The following PXDNL variants were observed in gnomAD, a reference collection of about 807,000 sequenced individuals.
PXDNL encodes the protein peroxidasin like.
PXDNL carries 145 observed loss-of-function variants against 150.8 expected under a neutral mutation model. The observed-to-expected ratio is 0.96, with a 90% CI of 0.84 to 1.10. The LOEUF is 1.10. Among genes scored for constraint, PXDNL ranks in the 50% least tolerant of loss-of-function variants. The pLI is 0.00. For synonymous variants in PXDNL, 757 were observed against 725.7 expected (o/e 1.04, Z -0.69); for missense variants, 2,087 against 1,873.9 (o/e 1.11, Z -2.10).
chr8:51,699,647 T>C (rs2130878649), intron 1 of PXDNL, among the ~76,000 whole-genome samples: 1 of 152,370 alleles, frequency 6.6e-6, no homozygotes, highest in South Asian at 2.1e-4. Flanking sequence ...ATCTCAGCTT[T>C]CCACATGCCT....
intron 1 of PXDNL, among the ~76,000 whole-genome samples, chr8:51,720,609 A>G (rs1816709895): frequency 6.6e-6 from 1 of 152,240 alleles, no homozygotes; most frequent in African/African-American, 2.4e-5. Context: ...TGAGCAGCAT[A>G]TAGATGAAGT....
chr8:51,634,676 C>CT (rs1245257403), intron 2 of PXDNL, among the ~76,000 whole-genome samples: 3 of 152,124 alleles, frequency 2.0e-5, no homozygotes, highest in African/African-American at 7.2e-5. Flanking sequence ...TGTACTTTTC[C>CT]TTATAGAGCT....
intron 17 of PXDNL, among the ~76,000 whole-genome samples, chr8:51,387,281 C>T (rs1168164858): frequency 1.3e-5 from 2 of 152,208 alleles, no homozygotes; most frequent in East Asian, 1.9e-4. Flanking sequence ...CCCAATAGGG[C>T]CTGCTGCACT....
intron 19 of PXDNL, among the ~76,000 whole-genome samples, chr8:51,353,479 C>G (rs1047606488): frequency 3.9e-5 from 6 of 151,930 alleles, no homozygotes; most frequent in African/African-American, 7.2e-5. Flanking sequence ...TTAGATATTA[C>G]ACTTCTTGAT....
chr8:51,366,706 C>A (rs28440014), intron 19 of PXDNL, among the ~76,000 whole-genome samples: 29 of 152,164 alleles, frequency 1.9e-4, no homozygotes, highest in Non-Finnish European at 3.4e-4. Flanking sequence ...TAGGACCTGA[C>A]AGTGGGCAGT....
chr8:51,706,902 G>A (rs185414987), intron 1 of PXDNL, among the ~76,000 whole-genome samples: 5 of 151,678 alleles, frequency 3.3e-5, no homozygotes, highest in Admixed American at 3.3e-4. Flanking sequence ...AGGTATGGAG[G>A]GTCTCCACAT....
chr8:51,466,825 C>G (rs6997774), intron 8 of PXDNL, among the ~76,000 whole-genome samples: 2,023 of 152,244 alleles, frequency 0.013, 40 homozygotes, highest in African/African-American at 0.046. Flanking sequence ...CAGATAAATG[C>G]AAATCAAAAC....
At chr8:51,361,100 G>A (rs1019202091) in intron 19 of PXDNL, among the ~76,000 whole-genome samples, 3 of 152,144 alleles carry the variant, frequency 2.0e-5, no homozygotes, top group Non-Finnish European at 4.4e-5. Flanking sequence ...ACAGCAACTG[G>A]GGATCATGGT....
In PXDNL at chr8:51,447,114, G is replaced by A. The variant is rs771243303; in HGVS notation, c.1415C>T (p.Thr472Ile). ...CTGTGCTGCACGGTCAATTCTCAAA[G>A]TGCCAGAGGAGAGAACTGTATGCTG... is the stretch of plus-strand genomic sequence containing the variant. ...EGQHTVLSSG[T>I]LRIDRAAQHD... is the part of the protein sequence containing the mutation. Residue 472 changes from threonine to isoleucine, a missense_variant, in exon 12 of 23, where the codon ACT becomes ATT. Coordinates refer to ENST00000356297, the MANE Select transcript of PXDNL (RefSeq NM_144651.5). 12 of 1,613,952 alleles carry A rather than the reference G, an allele frequency of 7.4e-6. No homozygotes were observed. The highest frequency in any genetic ancestry group is 1.0e-5 in the Non-Finnish European group (12 of 1,179,888).
intron 2 of PXDNL, among the ~76,000 whole-genome samples, chr8:51,608,609 G>A (rs112562943): frequency 2.0e-5 from 3 of 148,142 alleles, no homozygotes; most frequent in East Asian, 2.0e-4. Context: ...AGGCCAAGGC[G>A]GGCAGATCAC....
rs116020617 is a variant in PXDNL at position 51,649,341 on chromosome 8, A to T, written c.236+5348T>A. ...CGGCAAATAACACACGTGTTATGAG[A>T]CTTGAAACTTTCCCATTAAACGTAC... is the stretch of plus-strand genomic sequence containing the variant. On this transcript the variant is annotated intron_variant, in intron 2 of 22. Transcript: ENST00000356297. Among the ~76,000 whole-genome samples the T allele has an allele frequency of 3.1e-3, 470 of 152,318 alleles. 2 individuals carry two copies. The highest frequency in any genetic ancestry group is 0.011 in the African/African-American group (452 of 41,566).
chr8:51,607,993 GGA>G lies in PXDNL; in HGVS notation c.237-15297_237-15296del, dbSNP rs201053623. Among the ~76,000 whole-genome samples, 92 of 94,692 alleles carry G rather than the reference GGA, an allele frequency of 9.7e-4. 5 individuals carry two copies. The highest frequency in any genetic ancestry group is 4.9e-3 in the African/African-American group (83 of 16,768). The allele number at this position is 94,692 out of a possible 152,430, so 62.1% of individuals were successfully genotyped here. A position where few individuals can be genotyped will look rare whatever the true frequency, so the allele number is the denominator to read the frequency against. Reference sequence around the variant, plus strand: ...AGAAAGGAAGGAAGGAAGAGAGAGAGGAAGGAAGGAAGAAAGAAAGAAAGAAA... The same window carrying G: ...AGAAAGGAAGGAAGGAAGAGAGAGAGAGGAAGGAAGAAAGAAAGAAAGAAA... On this transcript the variant is annotated intron_variant, in intron 2 of 22. Transcript: ENST00000356297.
At chr8:51,514,774 A>G (rs943004535) in intron 4 of PXDNL, among the ~76,000 whole-genome samples, 1 of 152,202 alleles carries the variant, frequency 6.6e-6, no homozygotes, top group Non-Finnish European at 1.5e-5. Flanking sequence ...CCAGAGACAT[A>G]ATAAATACAG....
At chr8:51,548,151 A>C (rs112932796) in intron 4 of PXDNL, among the ~76,000 whole-genome samples, 50 of 152,178 alleles carry the variant, frequency 3.3e-4, no homozygotes, top group East Asian at 1.2e-3. Context: ...ACAAAGAAAA[A>C]AGAATTTTAA....
At chr8:51,406,865 C>T (rs1563396583) in intron 17 of PXDNL, among the ~76,000 whole-genome samples, 2 of 152,298 alleles carry the variant, frequency 1.3e-5, no homozygotes, top group Non-Finnish European at 2.9e-5. Context: ...AGGGCTACAT[C>T]TGAGCAGATG....
chr8:51,324,153 C>T (rs1029782140), intron 21 of PXDNL, among the ~76,000 whole-genome samples: 1 of 152,160 alleles, frequency 6.6e-6, no homozygotes, highest in Admixed American at 6.5e-5. Flanking sequence ...TGTAACCTTG[C>T]TCAACTCATG....
chr8:51,507,214 A>G (rs949312460), intron 4 of PXDNL, among the ~76,000 whole-genome samples: 5 of 152,246 alleles, frequency 3.3e-5, no homozygotes, highest in African/African-American at 9.6e-5. Flanking sequence ...TGCAAGGAAT[A>G]CCATGAGAAT....
At chr8:51,454,744 C>A (rs1809888290) in intron 9 of PXDNL, among the ~76,000 whole-genome samples, 1 of 152,112 alleles carries the variant, frequency 6.6e-6, no homozygotes, top group South Asian at 2.1e-4. Flanking sequence ...TAATTCCTAA[C>A]AATATCGAAT....
chr8:51,645,100 G>A (rs1021291823), intron 2 of PXDNL, among the ~76,000 whole-genome samples: 17 of 152,100 alleles, frequency 1.1e-4, no homozygotes, highest in Non-Finnish European at 1.3e-4. Context: ...AGAGCTGGCC[G>A]GCTGTTGGTG....
Sources: gnomAD v4.1 joint callset for allele counts (sites outside exome capture counted in the v4.1 genomes callset) on GRCh38, gnomAD v4.1.1 for gene constraint, MANE v1.5 for transcripts, NCBI Gene and HGNC (gene_info 2026-07-23, HGNC 2026-07-21) for gene names.